FSD1L: variants seen among roughly 807,000 people sequenced by gnomAD.
FSD1L encodes FSD1-like protein.
FSD1L carries 45 observed loss-of-function variants against 71.6 expected under a neutral mutation model. The observed-to-expected ratio is 0.63, with a 90% CI of 0.49 to 0.81. FSD1L has a LOEUF of 0.81. Ranked by LOEUF, FSD1L falls within the 30% of genes least tolerant of loss-of-function variation. The pLI, the probability that FSD1L is intolerant of heterozygous loss-of-function variation, is 0.00. For synonymous variants in FSD1L, 197 were observed against 207.2 expected (o/e 0.95, Z 0.42); for missense variants, 561 against 618.1 (o/e 0.91, Z 0.98).
chr9:105,546,618 T>A lies in FSD1L; in HGVS notation c.*135T>A. ...TTTGAGGCCTGGAATCTTTTATCAT[T>A]AAACACCTAGTACGAAGCATTTGCA... On this transcript the variant is annotated 3_prime_UTR_variant, in exon 14 of 14. Coordinates refer to ENST00000481272, the MANE Select transcript of FSD1L (RefSeq NM_001145313.3). The A allele has an allele frequency of 1.2e-6, 1 of 803,028 alleles. No homozygotes were observed. The highest frequency in any genetic ancestry group is 1.8e-6 in the Non-Finnish European group (1 of 545,580). 49.7% of individuals were successfully genotyped at this position (803,028 alleles called of 1,614,324 possible).
upstream of FSD1L, among the ~76,000 whole-genome samples, chr9:105,444,424 A>G (rs895908941): frequency 6.6e-6 from 1 of 152,198 alleles, no homozygotes; most frequent in African/African-American, 2.4e-5. Context: ...TGCTGACTCC[A>G]TGCTGATGGC....
At position 105,485,365 on chromosome 9, in the gene FSD1L, T is replaced by C. The variant is rs62575100; in HGVS notation, c.586+863T>C. 6.5e-3 allele frequency among the ~76,000 whole-genome samples: 997 copies of C among 152,224 alleles called. 6 individuals are homozygous for C. The highest frequency in any genetic ancestry group is 0.016 in the South Asian group (76 of 4,810). ...TTAACCTCACTTTGTAAGAACCTTC[T>C]TTCACAAGAACTAACCCAGTCTTTT... On this transcript the variant is annotated intron_variant, in intron 7 of 13. Coordinates refer to ENST00000481272, the MANE Select transcript of FSD1L (RefSeq NM_001145313.3).
upstream of FSD1L, among the ~76,000 whole-genome samples, chr9:105,444,841 T>C (rs1274878736): frequency 1.3e-5 from 2 of 151,850 alleles, no homozygotes; most frequent in East Asian, 3.9e-4. Flanking sequence ...AAGCTTAGAG[T>C]TCATCAGAAT....
chr9:105,522,899 C>T, intron 10 of FSD1L: 1 of 1,609,774 alleles, frequency 6.2e-7, no homozygotes, highest in Non-Finnish European at 8.5e-7. Flanking sequence ...ACCAGATGCG[C>T]CCTATTGATG....
chr9:105,460,098 A>G (rs1830591899), intron 1 of FSD1L, among the ~76,000 whole-genome samples: 2 of 152,076 alleles, frequency 1.3e-5, no homozygotes, highest in Admixed American at 6.5e-5. Context: ...TTTCTCATCC[A>G]CTTTCTGGGG....
chr9:105,461,610 C>G lies in FSD1L; in HGVS notation c.106C>G (p.Gln36Glu). ...TATTGGACCAGAGTCTATTAACTTGCAGCAGGTTGGTAGCTCTTAAAGGAG... is the reference window on the plus strand; with the variant it reads ...TATTGGACCAGAGTCTATTAACTTGGAGCAGGTTGGTAGCTCTTAAAGGAG... Reference protein sequence around the residue: ...ITIGPESINLQQEALQRIIST... With the variant: ...ITIGPESINLEQEALQRIIST... Residue 36 changes from glutamine to glutamate, a missense_variant, in exon 2 of 14, where the codon CAG becomes GAG. By Grantham distance (29) the Gln-to-Glu change is conservative. Coordinates refer to ENST00000481272, the MANE Select transcript of FSD1L (RefSeq NM_001145313.3). The G allele has an allele frequency of 1.3e-6, 2 of 1,545,692 alleles. No individual in the cohort carries two copies. The highest frequency in any genetic ancestry group is 2.4e-5 in the South Asian group (2 of 83,932).
intron 1 of FSD1L, among the ~76,000 whole-genome samples, chr9:105,450,534 C>CT (rs35115121): frequency 0.15 from 21,231 of 137,880 alleles, 2,052 homozygotes; most frequent in African/African-American, 0.28. Context: ...GGATTGTGTT[C>CT]TTTTTTTTTT....
chr9:105,543,608 G>A (rs560805868), intron 13 of FSD1L, among the ~76,000 whole-genome samples: 79 of 151,424 alleles, frequency 5.2e-4, no homozygotes, highest in Middle Eastern at 6.8e-3. Flanking sequence ...AACAGGCCCC[G>A]GTGTGTGATG....
upstream of FSD1L, among the ~76,000 whole-genome samples, chr9:105,446,202 CTCCACAAG>C (rs1213126573): frequency 6.6e-6 from 1 of 152,196 alleles, no homozygotes; most frequent in African/African-American, 2.4e-5. Flanking sequence ...AGCTCCTTCT[CTCCACAAG>C]GCCTTTGTAT....
At chr9:105,454,153 C>A (rs968703754) in intron 1 of FSD1L, among the ~76,000 whole-genome samples, 1 of 152,158 alleles carries the variant, frequency 6.6e-6, no homozygotes, top group Non-Finnish European at 1.5e-5. Context: ...ATAACCTCTT[C>A]AACATTTATG....
chr9:105,524,437 T>C lies in FSD1L; in HGVS notation c.1026-10056T>C. On this transcript the variant is annotated intron_variant, in intron 10 of 13. Transcript: ENST00000481272. The stretch of plus-strand genomic sequence containing the variant: ...TTGGTAGTATCTTTACTTCTCTGCC[T>C]TCTGGACTGGATCATGGCCTTACCT... The C allele has an allele frequency of 1.9e-6, 3 of 1,613,454 alleles. No individual in the cohort carries two copies. The African/African-American group carries it at 4.0e-5, about 21-fold the overall frequency.
intron 6 of FSD1L, among the ~76,000 whole-genome samples, chr9:105,480,799 T>C (rs141394513): frequency 1.4e-3 from 214 of 152,278 alleles, no homozygotes; most frequent in African/African-American, 4.9e-3. Flanking sequence ...GAGTCATCCA[T>C]CTTCCTCCCT....
chr9:105,518,984 T>C (rs1046484934), intron 10 of FSD1L, among the ~76,000 whole-genome samples: 1 of 152,186 alleles, frequency 6.6e-6, no homozygotes, highest in Admixed American at 6.5e-5. Flanking sequence ...ATATCACCAT[T>C]GATCCCACAG....
intron 7 of FSD1L, among the ~76,000 whole-genome samples, chr9:105,496,203 T>A (rs1173385148): frequency 1.2e-5 from 1 of 85,626 alleles, no homozygotes; most frequent in African/African-American, 4.8e-5. Context: ...TGACTGTAGC[T>A]TTTTTTTTTT....
chr9:105,488,722 G>A (rs145304453), intron 7 of FSD1L, among the ~76,000 whole-genome samples: 58 of 151,292 alleles, frequency 3.8e-4, no homozygotes, highest in African/African-American at 1.4e-3. Context: ...TTTCCCTAAT[G>A]ACATATTATG....
intron 7 of FSD1L, among the ~76,000 whole-genome samples, chr9:105,490,323 A>G (rs1247379693): frequency 2.0e-5 from 3 of 151,980 alleles, no homozygotes; most frequent in Non-Finnish European, 4.4e-5. Flanking sequence ...GTGTCTGTTC[A>G]TGTCCTTCGC....
chr9:105,449,395 G>A (rs1466393413), intron 1 of FSD1L, among the ~76,000 whole-genome samples: 1 of 152,170 alleles, frequency 6.6e-6, no homozygotes, highest in African/African-American at 2.4e-5. Context: ...GTATGTATAG[G>A]TTTAAAATAT....
intron 1 of FSD1L, among the ~76,000 whole-genome samples, chr9:105,461,046 G>C (rs1341538909): frequency 6.6e-6 from 1 of 152,200 alleles, no homozygotes; most frequent in Non-Finnish European, 1.5e-5. Context: ...TCCACATATA[G>C]CTATTATAAT....
intron 10 of FSD1L, among the ~76,000 whole-genome samples, chr9:105,519,278 G>T (rs1191620958): frequency 1.3e-5 from 2 of 151,992 alleles, no homozygotes; most frequent in Admixed American, 1.3e-4. Flanking sequence ...AATAAAAAAA[G>T]ACAAACTCCT....
Sources: gnomAD v4.1 joint callset for allele counts (sites outside exome capture counted in the v4.1 genomes callset) on GRCh38, gnomAD v4.1.1 for gene constraint, MANE v1.5 for transcripts, NCBI Gene and HGNC (gene_info 2026-07-23, HGNC 2026-07-21) for gene names.